Variants in EIF3M observed in about 807,000 individuals in gnomAD.
EIF3M encodes the protein B5 receptor.
Under a neutral mutation model 49.7 loss-of-function variants are expected in EIF3M, and 25 were observed. The ratio of observed to expected loss-of-function variants is 0.50; its 90% confidence interval spans 0.37 to 0.70. EIF3M has a LOEUF of 0.70. EIF3M is among the 30% of genes least tolerant of loss of function. The probability of loss-of-function intolerance (pLI) is 0.00; values close to 1 mark genes in which losing one functional copy is unlikely to be tolerated. For missense variants in EIF3M, 350 were observed against 440.0 expected (o/e 0.80, Z 1.83); for synonymous variants, 156 against 149.8 (o/e 1.04, Z -0.30).
intron 5 of EIF3M, among the ~76,000 whole-genome samples, chr11:32,593,372 A>C (rs1343904839): frequency 6.6e-6 from 1 of 152,210 alleles, no homozygotes; most frequent in African/African-American, 2.4e-5. Context: ...AGTTATTTAA[A>C]TATTTGGTAT....
At chr11:32,592,692 C>T (rs1442713584) in intron 5 of EIF3M, 4 of 508,242 alleles carry the variant, frequency 7.9e-6, no homozygotes, top group Admixed American at 6.1e-5. Context: ...TCTAAAACTA[C>T]CATCTCTAGT....
At chr11:32,596,438 AC>A (rs1855179405) in intron 8 of EIF3M, among the ~76,000 whole-genome samples, 2 of 152,034 alleles carry the variant, frequency 1.3e-5, no homozygotes, top group Non-Finnish European at 2.9e-5. Flanking sequence ...TACTAAAAAT[AC>A]AAAAAATTAG....
chr11:32,600,294 A>G (rs1463216134), intron 8 of EIF3M, among the ~76,000 whole-genome samples: 1 of 151,930 alleles, frequency 6.6e-6, no homozygotes, highest in Non-Finnish European at 1.5e-5. Context: ...ATGAAGAGCT[A>G]TTAGTGTGAA....
In EIF3M at chr11:32,603,054, T is replaced by C. The variant is rs1213677415; in HGVS notation, c.*655T>C. On this transcript the variant is annotated 3_prime_UTR_variant, in exon 11 of 11. Transcript: ENST00000531120. ...GATAAACTAATTTTACCTTCGAAAT[T>C]ATTATACAAAAGATTTTAAAGAGTC... is the stretch of plus-strand genomic sequence containing the variant. 2 of 1,512,680 alleles carry C rather than the reference T, an allele frequency of 1.3e-6. No homozygotes were observed. The highest frequency in any genetic ancestry group is 2.3e-5 in the East Asian group (1 of 44,424). The allele number at this position is 1,512,680 out of a possible 1,614,324, so 93.7% of individuals were successfully genotyped here.
intron 9 of EIF3M, 110 bp downstream of exon 9, chr11:32,600,942 A>C: frequency 1.4e-6 from 2 of 1,385,092 alleles, no homozygotes; most frequent in Non-Finnish European, 1.9e-6. Flanking sequence ...AGATTTGTTT[A>C]TAGCAGATGT....
intron 2 of EIF3M, among the ~76,000 whole-genome samples, chr11:32,588,032 A>G (rs551529922): frequency 6.6e-6 from 1 of 152,360 alleles, no homozygotes; most frequent in East Asian, 1.9e-4. Flanking sequence ...AAATGATTGA[A>G]TATCATGACA....
chr11:32,594,066 A>G, intron 6 of EIF3M, 117 bp downstream of exon 6: 1 of 585,902 alleles, frequency 1.7e-6, no homozygotes, highest in Non-Finnish European at 2.7e-6. Context: ...GCCATTTGAT[A>G]GTGTGTATTT....
chr11:32,594,092 G>A (rs1855143620), intron 6 of EIF3M, 143 bp downstream of exon 6: 1 of 462,492 alleles, frequency 2.2e-6, no homozygotes, highest in Admixed American at 4.3e-5. Flanking sequence ...TGATTCTAAT[G>A]TAGATACTAA....
At chr11:32,584,026 A>G (rs1296746913) in intron 1 of EIF3M, 97 bp downstream of exon 1, 1 of 1,503,514 alleles carries the variant, frequency 6.7e-7, no homozygotes, top group Non-Finnish European at 9.1e-7. Flanking sequence ...GCCGGGGCTG[A>G]CACCCGCAGC....
rs1435824971 is a variant in EIF3M at position 32,592,255 on chromosome 11, T to C, written c.534-1611T>C. The C allele has an allele frequency of 1.4e-5, 6 of 432,644 alleles. No homozygotes were observed. The East Asian group carries it at 2.8e-4, about 20-fold the overall frequency. 26.8% of individuals were successfully genotyped at this position (432,644 alleles called of 1,614,324 possible). A position where few individuals can be genotyped will look rare whatever the true frequency, so the allele number is the denominator to read the frequency against. On this transcript the variant is annotated intron_variant, in intron 5 of 10. Transcript: ENST00000531120. ...ATCTGTTGTTTAAAAAGGGCCCTTT[T>C]CACTTCACTAACGCCTGTTAATAGA...
intron 10 of EIF3M, 158 bp from the exon 11 acceptor site, chr11:32,602,121 A>C: frequency 8.4e-7 from 1 of 1,188,748 alleles, no homozygotes; most frequent in Non-Finnish European, 1.2e-6. Context: ...TATGGTAAAG[A>C]TTTTTTTTAA....
rs1406868529 is a variant in EIF3M, at chr11:32,603,114, A to G, written c.*715A>G. 2 of 986,544 alleles carry G rather than the reference A, an allele frequency of 2.0e-6. No homozygotes were observed. Among genetic ancestry groups the G allele is most frequent in the African/African-American group, 3.3e-5 (2 of 60,836 alleles). 61.1% of individuals were successfully genotyped at this position (986,544 alleles called of 1,614,324 possible). ...TCTGCAGTTATGAGTATGTGGTAAA[A>G]CCACCATCTCTTGGCTGATTTCCAC... On this transcript the variant is annotated 3_prime_UTR_variant, in exon 11 of 11. Coordinates refer to ENST00000531120, the MANE Select transcript of EIF3M (RefSeq NM_006360.6).
chr11:32,588,290 G>A (rs1855032220), intron 2 of EIF3M, among the ~76,000 whole-genome samples: 1 of 150,924 alleles, frequency 6.6e-6, no homozygotes, highest in African/African-American at 2.4e-5. Flanking sequence ...TTGGGAGGCT[G>A]AGACGGGAGA....
chr11:32,598,872 A>G (rs1439739624), intron 8 of EIF3M, among the ~76,000 whole-genome samples: 1 of 152,116 alleles, frequency 6.6e-6, no homozygotes, highest in Admixed American at 6.5e-5. Context: ...TTATTCATTG[A>G]TAAGAAAAAA....
intron 2 of EIF3M, 106 bp from the exon 3 acceptor site, chr11:32,588,488 T>TA: frequency 7.5e-7 from 1 of 1,333,714 alleles, no homozygotes; most frequent in Non-Finnish European, 1.0e-6. Context: ...GAAAGTGTCT[T>TA]ACATTTGATG....
At chr11:32,592,472 G>A in intron 5 of EIF3M, 1 of 529,720 alleles carries the variant, frequency 1.9e-6, no homozygotes, top group Non-Finnish European at 3.7e-6. Context: ...CTTCACTGTT[G>A]GATGGGCACT....
intron 9 of EIF3M, 128 bp from the exon 10 acceptor site, chr11:32,601,634 A>G (rs1476582103): frequency 1.2e-5 from 10 of 801,934 alleles, no homozygotes; most frequent in Admixed American, 2.8e-5. Context: ...TATTAGATTT[A>G]AACAGTGTAT....
Position 32,604,674 on chromosome 11 carries a change from C to T in EIF3M, c.*2275C>T, listed in dbSNP as rs1011895784. ...CTGTGTTCTGCAAATTATTTCTGGA[C>T]ATTTAAATTGTAAGAAAATGGTCAC... On this transcript the variant is annotated 3_prime_UTR_variant, in exon 11 of 11. Transcript: ENST00000531120. 6 of 152,248 alleles carry T rather than the reference C, an allele frequency of 3.9e-5. No homozygotes were observed. The highest frequency in any genetic ancestry group is 1.4e-4 in the African/African-American group (6 of 41,546). The allele number at this position is 152,248 out of a possible 1,614,324, so 9.4% of individuals were successfully genotyped here. A position where few individuals can be genotyped will look rare whatever the true frequency, so the allele number is the denominator to read the frequency against.
intron 2 of EIF3M, 122 bp downstream of exon 2, chr11:32,587,266 C>A (rs1855015938): frequency 1.0e-6 from 1 of 965,286 alleles, no homozygotes. Context: ...ATACAGAAGG[C>A]TGACTGTATT....
Sources: allele counts gnomAD v4.1 joint callset (sites outside exome capture counted in the v4.1 genomes callset), GRCh38; gene constraint gnomAD v4.1.1; transcripts MANE v1.5; gene names NCBI Gene and HGNC (gene_info 2026-07-23, HGNC 2026-07-21).